PDE1C: variants seen among roughly 807,000 people sequenced by gnomAD.
The protein encoded by PDE1C is phosphodiesterase 1C.
Under a neutral mutation model 93.1 loss-of-function variants are expected in PDE1C, and 62 were observed. The observed-to-expected ratio is 0.67, with a 90% CI of 0.54 to 0.82. PDE1C has a LOEUF of 0.82. Ranked by LOEUF, PDE1C falls within the 40% of genes least tolerant of loss-of-function variation. PDE1C has a pLI of 0.00. For synonymous variants in PDE1C, 325 were observed against 310.1 expected (o/e 1.05, Z -0.50); for missense variants, 742 against 884.6 (o/e 0.84, Z 2.04).
chr7:32,384,134 GGAGC>G (rs1324993859), intron 1 of PDE1C, among the ~76,000 whole-genome samples: 7 of 152,134 alleles, frequency 4.6e-5, no homozygotes, highest in African/African-American at 1.7e-4. Flanking sequence ...CTATACAGTT[GGAGC>G]TCACCAGGTA....
chr7:32,366,092 C>G (rs1784224551), intron 1 of PDE1C, among the ~76,000 whole-genome samples: 1 of 152,154 alleles, frequency 6.6e-6, no homozygotes, highest in South Asian at 2.1e-4. Flanking sequence ...CATAAGGAAA[C>G]ATACAAAATG....
the PDE1C span, among the ~76,000 whole-genome samples, chr7:31,714,194 A>G: frequency 1.3e-5 from 2 of 152,206 alleles, no homozygotes; most frequent in East Asian, 1.9e-4. Flanking sequence ...CTTCTGCCAG[A>G]TATTGTAAAT....
intron 2 of PDE1C, among the ~76,000 whole-genome samples, chr7:31,986,635 G>A (rs1388312133): frequency 6.6e-6 from 1 of 152,064 alleles, no homozygotes; most frequent in Non-Finnish European, 1.5e-5. Context: ...TGAAGCAGGA[G>A]GAAGAGACCT....
the PDE1C span, among the ~76,000 whole-genome samples, chr7:31,732,441 T>C: frequency 6.6e-6 from 1 of 152,246 alleles, no homozygotes; most frequent in East Asian, 1.9e-4. Context: ...GTGGGCCTCA[T>C]CCAATTAGTT....
At chr7:32,094,755 C>T (rs1797661784) in intron 3 of PDE1C, among the ~76,000 whole-genome samples, 1 of 152,196 alleles carries the variant, frequency 6.6e-6, no homozygotes, top group African/African-American at 2.4e-5. Flanking sequence ...TTTCCTATTA[C>T]TCATAGGATG....
intron 2 of PDE1C, among the ~76,000 whole-genome samples, chr7:32,000,583 C>T (rs931859058): frequency 5.3e-5 from 8 of 152,166 alleles, no homozygotes; most frequent in Non-Finnish European, 7.4e-5. Context: ...TCACAAACAT[C>T]GCAGAACCCT....
At chr7:32,152,297 C>A (rs1033284160) in intron 3 of PDE1C, among the ~76,000 whole-genome samples, 1 of 152,202 alleles carries the variant, frequency 6.6e-6, no homozygotes, top group African/African-American at 2.4e-5. Context: ...TCTGAACCCA[C>A]TTTGCTAGGG....
chr7:32,341,238 C>T (rs1653882), intron 1 of PDE1C, among the ~76,000 whole-genome samples: 80,442 of 128,362 alleles, frequency 0.63, 28,707 homozygotes, highest in Non-Finnish European at 0.77. Flanking sequence ...TGCAGTGGCG[C>T]GATCTCGGCT....
chr7:31,812,625 G>T (rs895336521), intron 15 of PDE1C, among the ~76,000 whole-genome samples: 34 of 152,048 alleles, frequency 2.2e-4, no homozygotes, highest in African/African-American at 8.0e-4. Context: ...TGGAAAACAG[G>T]ATAACTCATT....
chr7:31,867,621 C>T (rs1795459314), intron 6 of PDE1C, among the ~76,000 whole-genome samples: 1 of 152,210 alleles, frequency 6.6e-6, no homozygotes, highest in African/African-American at 2.4e-5. Context: ...ACCACTGCTA[C>T]TTCCAATGCT....
the PDE1C span, among the ~76,000 whole-genome samples, chr7:31,669,573 A>G: frequency 6.6e-6 from 1 of 152,224 alleles, no homozygotes; most frequent in Admixed American, 6.5e-5. Context: ...TCACAGCAAC[A>G]AAATGGGTTT....
chr7:32,096,687 T>G (rs1407389014), intron 3 of PDE1C, among the ~76,000 whole-genome samples: 1 of 152,216 alleles, frequency 6.6e-6, no homozygotes. Context: ...TCCCACTATG[T>G]CTTCTGCACA....
At chr7:31,822,160 A>G (rs1364861196) in intron 14 of PDE1C, among the ~76,000 whole-genome samples, 2 of 151,940 alleles carry the variant, frequency 1.3e-5, no homozygotes, top group South Asian at 2.1e-4. Flanking sequence ...TCATCTCTGT[A>G]CCCTGGGCAC....
intron 2 of PDE1C, among the ~76,000 whole-genome samples, chr7:32,191,067 C>T (rs1804196775): frequency 6.6e-6 from 1 of 152,100 alleles, no homozygotes; most frequent in Admixed American, 6.5e-5. Context: ...AGGAGGTCAG[C>T]TTGAAGGAGC....
chr7:31,743,444 A>G, the PDE1C span, among the ~76,000 whole-genome samples: 1 of 152,068 alleles, frequency 6.6e-6, no homozygotes, highest in African/African-American at 2.4e-5. Flanking sequence ...AGGAGAGTCA[A>G]TAGGAGTATA....
At chr7:32,409,765 T>A (rs1402455501) in intron 1 of PDE1C, among the ~76,000 whole-genome samples, 1 of 151,920 alleles carries the variant, frequency 6.6e-6, no homozygotes, top group Non-Finnish European at 1.5e-5. Flanking sequence ...ATATATATAT[T>A]CACACATATA....
intron 2 of PDE1C, among the ~76,000 whole-genome samples, chr7:32,191,869 G>A (rs1383457584): frequency 6.6e-6 from 1 of 152,134 alleles, no homozygotes; most frequent in African/African-American, 2.4e-5. Context: ...CATTTGGAGT[G>A]ATCACCATTT....
chr7:31,878,777 A>G (rs968732558), intron 4 of PDE1C, among the ~76,000 whole-genome samples: 1 of 152,184 alleles, frequency 6.6e-6, no homozygotes, highest in African/African-American at 2.4e-5. Flanking sequence ...TCTGGTAAAC[A>G]AAAAAATTCT....
Position 32,350,569 on chromosome 7 carries a change from T to TTGC in PDE1C, c.310+77252_310+77253insGCA, listed in dbSNP as rs1562686480. Among the ~76,000 whole-genome samples, 29 of 2,698 alleles carry TTGC rather than the reference T, an allele frequency of 0.011. 12 individuals are homozygous for TTGC. In the Admixed American group the frequency reaches 0.12, roughly 11 times the overall value. 1.8% of individuals were successfully genotyped at this position (2,698 alleles called of 152,430 possible). ...ACTAATATATATATATATATATATATATATATATATATATATATATATTTT... is the reference window on the plus strand; with the variant it reads ...ACTAATATATATATATATATATATATTGCATATATATATATATATATATATTTT... On this transcript the variant is annotated intron_variant, in intron 1 of 1. Transcript: ENST00000672256.
Sources: allele counts gnomAD v4.1 joint callset (sites outside exome capture counted in the v4.1 genomes callset), GRCh38; gene constraint gnomAD v4.1.1; transcripts MANE v1.5; gene names NCBI Gene and HGNC (gene_info 2026-07-23, HGNC 2026-07-21).